Variants in NRXN1 observed in about 807,000 individuals in gnomAD.
NRXN1 encodes the protein neurexin-1.
A neutral mutation model predicts 150.9 loss-of-function variants in NRXN1; 39 were observed. That is an observed-to-expected ratio of 0.26 (90% CI 0.20 to 0.34). NRXN1 has a LOEUF of 0.34. Ranked by LOEUF, NRXN1 falls within the 10% of genes least tolerant of loss-of-function variation. The probability of loss-of-function intolerance (pLI) is 1.00; values close to 1 mark genes in which losing one functional copy is unlikely to be tolerated. For synonymous variants in NRXN1, 924 were observed against 757.0 expected, an observed-to-expected ratio of 1.22 and a Z score of -3.62; for missense variants, 1,815 against 1,949.9, an observed-to-expected ratio of 0.93 and a Z score of 1.30.
At chr2:50,965,665 G>A (rs1325318491) in intron 2 of NRXN1, among the ~76,000 whole-genome samples, 1 of 151,306 alleles carries the variant, frequency 6.6e-6, no homozygotes, top group African/African-American at 2.4e-5. Flanking sequence ...TTGATGCCAT[G>A]CTTATATTTG....
chr2:50,094,353 T>G (rs1379702248), intron 18 of NRXN1, among the ~76,000 whole-genome samples: 1 of 152,142 alleles, frequency 6.6e-6, no homozygotes, highest in Admixed American at 6.5e-5. Flanking sequence ...GACTGACAAT[T>G]AGAAGAGGAT....
intron 17 of NRXN1, among the ~76,000 whole-genome samples, chr2:50,356,393 T>A (rs2078818684): frequency 6.6e-6 from 1 of 152,232 alleles, no homozygotes; most frequent in Non-Finnish European, 1.5e-5. Flanking sequence ...ACATTTATTC[T>A]TAAAAGATAG....
At chr2:50,192,242 G>A (rs981200480) in intron 18 of NRXN1, among the ~76,000 whole-genome samples, 1 of 152,130 alleles carries the variant, frequency 6.6e-6, no homozygotes, top group Non-Finnish European at 1.5e-5. Flanking sequence ...AAATCTGTTA[G>A]AGAAAATAGT....
intron 2 of NRXN1, among the ~76,000 whole-genome samples, chr2:50,958,261 A>G (rs909705216): frequency 2.6e-5 from 4 of 152,142 alleles, no homozygotes; most frequent in African/African-American, 9.7e-5. Flanking sequence ...TTTGGAGCTC[A>G]ACATTAATAA....
At chr2:50,294,111 CT>C (rs1421647578) in intron 17 of NRXN1, among the ~76,000 whole-genome samples, 7 of 152,130 alleles carry the variant, frequency 4.6e-5, no homozygotes, top group Non-Finnish European at 1.0e-4. Flanking sequence ...CCAATGAAAC[CT>C]TTGGTAAACT....
intron 5 of NRXN1, among the ~76,000 whole-genome samples, chr2:50,757,640 C>G (rs1306435847): frequency 6.6e-6 from 1 of 151,654 alleles, no homozygotes; most frequent in African/African-American, 2.4e-5. Context: ...AAATGTGGCT[C>G]AGTAATAGTA....
At chr2:51,012,787 G>A (rs1195597487) in intron 2 of NRXN1, among the ~76,000 whole-genome samples, 1 of 151,928 alleles carries the variant, frequency 6.6e-6, no homozygotes, top group African/African-American at 2.4e-5. Context: ...GGCTTTCCTG[G>A]GAAACCAAAA....
chr2:51,002,952 A>G (rs1002867637), intron 2 of NRXN1, among the ~76,000 whole-genome samples: 2 of 151,920 alleles, frequency 1.3e-5, no homozygotes, highest in African/African-American at 2.4e-5. Flanking sequence ...ATTTCTTCAT[A>G]TATTCTTCCT....
chr2:50,144,837 T>C (rs1452189257), intron 18 of NRXN1, among the ~76,000 whole-genome samples: 3 of 151,760 alleles, frequency 2.0e-5, no homozygotes, highest in African/African-American at 7.2e-5. Context: ...AAAGTTTATG[T>C]AACACTGTAT....
At chr2:50,931,809 T>C (rs1456348896) in intron 2 of NRXN1, among the ~76,000 whole-genome samples, 2 of 152,118 alleles carry the variant, frequency 1.3e-5, no homozygotes, top group Non-Finnish European at 2.9e-5. Context: ...CTTAGCTAAA[T>C]AAATTAGATC....
rs1276814545 is a variant in NRXN1 at position 51,023,769 on chromosome 2, CAAAT to C, written c.772+3729_772+3732del. Among the ~76,000 whole-genome samples, 15 of 152,220 alleles carry C rather than the reference CAAAT, an allele frequency of 9.9e-5. No homozygotes were observed. In the East Asian group the frequency reaches 1.9e-3, roughly 20 times the overall value. On this transcript the variant is annotated intron_variant, in intron 2 of 22. Coordinates refer to ENST00000401669, the MANE Select transcript of NRXN1 (RefSeq NM_001330078.2). ...CTTGCTGAATAAAGAAATTAATAAA[CAAAT>C]GAATGAATGAACAAATGAATGAATG... is the stretch of plus-strand genomic sequence containing the variant.
chr2:50,599,182 C>A (rs1162030747), intron 8 of NRXN1, among the ~76,000 whole-genome samples: 1 of 152,084 alleles, frequency 6.6e-6, no homozygotes, highest in East Asian at 1.9e-4. Context: ...ATCAGAGGGA[C>A]TGAGAAAATG....
At chr2:50,683,017 G>A (rs1302602740) in intron 5 of NRXN1, among the ~76,000 whole-genome samples, 1 of 151,916 alleles carries the variant, frequency 6.6e-6, no homozygotes, top group Admixed American at 6.6e-5. Flanking sequence ...ATCAACCATT[G>A]AGGGCCTACA....
In NRXN1 at chr2:50,749,001, T is replaced by C. The variant is rs979709406; in HGVS notation, c.833-125386A>G. On this transcript the variant is annotated intron_variant, in intron 5 of 22. Coordinates refer to ENST00000401669, the MANE Select transcript of NRXN1 (RefSeq NM_001330078.2). ...TAAACATGCATGCTCACAGTGATGC[T>C]AGGAATGGATGCTTTGTAAAGCACT... Among the ~76,000 whole-genome samples the C allele has an allele frequency of 2.6e-5, 4 of 152,260 alleles. No individual in the cohort carries two copies. The East Asian group carries it at 5.8e-4, about 22-fold the overall frequency.
intron 5 of NRXN1, among the ~76,000 whole-genome samples, chr2:50,877,915 A>T (rs1678851340): frequency 6.6e-6 from 1 of 151,912 alleles, no homozygotes; most frequent in Admixed American, 6.6e-5. Flanking sequence ...GCATTCCATA[A>T]ATGTTAACTG....
At chr2:50,564,112 C>T (rs1191337563) in intron 8 of NRXN1, among the ~76,000 whole-genome samples, 2 of 152,186 alleles carry the variant, frequency 1.3e-5, no homozygotes, top group South Asian at 2.1e-4. Flanking sequence ...GTTTACATTC[C>T]TGCATTGCTA....
chr2:50,452,529 C>A (rs561945153), intron 17 of NRXN1, among the ~76,000 whole-genome samples: 1 of 152,160 alleles, frequency 6.6e-6, no homozygotes, highest in South Asian at 2.1e-4. Flanking sequence ...GCATGTAAAT[C>A]CTATGTGATT....
chr2:50,252,258 C>T (rs199787810), intron 17 of NRXN1, among the ~76,000 whole-genome samples: 4,288 of 69,526 alleles, frequency 0.062, no homozygotes, highest in Middle Eastern at 0.089. Flanking sequence ...TTTTTCTTTT[C>T]TTTTTTTTTT....
intron 5 of NRXN1, among the ~76,000 whole-genome samples, chr2:50,895,797 C>G (rs1056145311): frequency 2.0e-5 from 3 of 151,912 alleles, no homozygotes; most frequent in African/African-American, 7.3e-5. Flanking sequence ...CCAGGCTTGT[C>G]CCAAACTCCT....
Sources: allele counts gnomAD v4.1 joint callset (sites outside exome capture counted in the v4.1 genomes callset), GRCh38; gene constraint gnomAD v4.1.1; transcripts MANE v1.5; gene names NCBI Gene and HGNC (gene_info 2026-07-23, HGNC 2026-07-21).